PHACTR2: variants seen among roughly 807,000 people sequenced by gnomAD.
PHACTR2 encodes chromosome 6 open reading frame 56.
A neutral mutation model predicts 76.0 loss-of-function variants in PHACTR2; 30 were observed. That is an observed-to-expected ratio of 0.39 (90% confidence interval 0.30 to 0.54). The LOEUF is 0.54. Ranked by LOEUF, PHACTR2 falls within the 20% of genes least tolerant of loss-of-function variation. The pLI, the probability that PHACTR2 is intolerant of heterozygous loss-of-function variation, is 0.61. For missense variants in PHACTR2, 696 were observed against 781.1 expected, an observed-to-expected ratio of 0.89 and a Z score of 1.30; for synonymous variants, 292 against 292.5, an observed-to-expected ratio of 1.00 and a Z score of 0.02.
intron 1 of PHACTR2, among the ~76,000 whole-genome samples, chr6:143,588,442 A>G (rs17288611): frequency 0.35 from 42,828 of 123,570 alleles, 6,252 homozygotes; most frequent in South Asian, 0.46. Context: ...AAAGATCTGA[A>G]CATTCTCAAA....
intron 1 of PHACTR2, among the ~76,000 whole-genome samples, chr6:143,572,451 T>G (rs1460438555): frequency 6.6e-6 from 1 of 152,258 alleles, no homozygotes; most frequent in African/African-American, 2.4e-5. Flanking sequence ...ATAGAATGTG[T>G]GTGAGTGTTT....
At chr6:143,740,181 C>T (rs1778908211) in intron 2 of PHACTR2, among the ~76,000 whole-genome samples, 1 of 152,156 alleles carries the variant, frequency 6.6e-6, no homozygotes, top group African/African-American at 2.4e-5. Flanking sequence ...CCTAACATTG[C>T]CATGCCATTT....
chr6:143,754,379 C>G lies in PHACTR2; in HGVS notation c.454+467C>G, dbSNP rs530054811. ...GTGGGAACTTGGCAGGTGGCATCCA[C>G]ATATCCAGCATCATAGGTTCCAGAC... On this transcript the variant is annotated intron_variant, in intron 4 of 12. Transcript: ENST00000440869. The surrounding 1 kb of genome is among the most constrained non-coding windows in gnomAD (Gnocchi z 6.2). 7.9e-5 allele frequency among the ~76,000 whole-genome samples: 12 copies of G among 152,334 alleles called. No individual in the cohort carries two copies. The South Asian group carries it at 2.5e-3, about 32-fold the overall frequency.
chr6:143,717,592 A>AG, intron 2 of PHACTR2, among the ~76,000 whole-genome samples: 1 of 151,768 alleles, frequency 6.6e-6, no homozygotes, highest in East Asian at 1.9e-4. Flanking sequence ...TGGTGGGGGA[A>AG]GGGGGTCTCA....
chr6:143,547,867 T>C lies in PHACTR2; in HGVS notation c.217+10660T>C, dbSNP rs923348926. ...AACTCTCTCTTGCCCGCTGTATCTA[T>C]GTATGTATGTATGTACGTATGTATC... On this transcript the variant is annotated intron_variant, in intron 1 of 11. Transcript: ENST00000367584. This position sits in a 1 kb window ranked among gnomAD's most constrained non-coding sequence, Gnocchi z 4.2. Among the ~76,000 whole-genome samples, 1 of 152,028 alleles carries C rather than the reference T, an allele frequency of 6.6e-6. No individual in the cohort carries two copies. The highest frequency in any genetic ancestry group is 2.1e-4 in the South Asian group (1 of 4,826).
chr6:143,773,927 A>T, intron 7 of PHACTR2, 132 bp from the exon 8 acceptor site: 1 of 603,776 alleles, frequency 1.7e-6, no homozygotes, highest in African/African-American at 1.9e-5. Flanking sequence ...CCTTAGGTTA[A>T]TTAAGATTCT....
rs1011988921 is a variant in PHACTR2, at chr6:143,739,951, G to A, written c.215-9034G>A. On this transcript the variant is annotated intron_variant, in intron 2 of 12. Transcript: ENST00000440869. This position sits in a 1 kb window ranked among gnomAD's most constrained non-coding sequence, Gnocchi z 4.3. ...GGGTCCTGCTCAAGACCCCAAGAGA[G>A]GGTTCTTGGATCTCGGACAAGAAAG... Among the ~76,000 whole-genome samples the A allele has an allele frequency of 2.0e-5, 3 of 152,192 alleles. No homozygotes were observed. The highest frequency in any genetic ancestry group is 1.3e-4 in the Admixed American group (2 of 15,286).
rs1185268802 is a variant in PHACTR2 at position 143,695,225 on chromosome 6, T to G, written c.47-16791T>G. ...TAGGCCCTGATCCGAATCCAGATTA[T>G]GATGGATTGGGCATGGGGATCAGGG... On this transcript the variant is annotated intron_variant, in intron 1 of 12. Transcript: ENST00000440869. This position sits in a 1 kb window ranked among gnomAD's most constrained non-coding sequence, Gnocchi z 4.4. Among the ~76,000 whole-genome samples the G allele has an allele frequency of 6.6e-6, 1 of 152,230 alleles. No individual in the cohort carries two copies. Among genetic ancestry groups the G allele is most frequent in the Non-Finnish European group, 1.5e-5 (1 of 68,036 alleles).
chr6:143,644,940 C>CT (rs1210057926), intron 1 of PHACTR2, among the ~76,000 whole-genome samples: 2 of 152,096 alleles, frequency 1.3e-5, no homozygotes, highest in African/African-American at 4.8e-5. Context: ...GCAGTATACA[C>CT]TGCACCCCAT....
At chr6:143,702,799 T>TTTTTTTTTC (rs57620507) in intron 1 of PHACTR2, among the ~76,000 whole-genome samples, 5 of 124,288 alleles carry the variant, frequency 4.0e-5, no homozygotes, top group Non-Finnish European at 8.8e-5. Flanking sequence ...TTTTTTTTTT[T>TTTTTTTTTC]ACAGAAAATA....
At position 143,806,537 on chromosome 6, in the gene PHACTR2, G is replaced by C. The variant is rs987334877; in HGVS notation, c.1846-520G>C. Among the ~76,000 whole-genome samples the C allele has an allele frequency of 3.9e-5, 6 of 152,192 alleles. No homozygotes were observed. In the East Asian group the frequency reaches 1.2e-3, roughly 29 times the overall value. On this transcript the variant is annotated intron_variant, in intron 11 of 12. Coordinates refer to ENST00000440869, the MANE Select transcript of PHACTR2 (RefSeq NM_001100164.2). This position sits in a 1 kb window ranked among gnomAD's most constrained non-coding sequence, Gnocchi z 5.8. ...TGGGGGATGTTCCGTGTGACTCATA[G>C]ACCAGACTCAAGGATGAGTTTAGCA...
chr6:143,707,294 A>G (rs1346261008), intron 1 of PHACTR2, among the ~76,000 whole-genome samples: 2 of 152,220 alleles, frequency 1.3e-5, no homozygotes, highest in African/African-American at 4.8e-5. Flanking sequence ...TTTACCACAC[A>G]TGATTTCTCC....
chr6:143,570,892 TA>T lies in PHACTR2; in HGVS notation c.217+33687del. On this transcript the variant is annotated intron_variant, in intron 1 of 11. Coordinates refer to the PHACTR2 transcript ENST00000367584. The surrounding 1 kb of genome is among the most constrained non-coding windows in gnomAD (Gnocchi z 4.6). ...GCTGAAGACAATTGCCCTGATTCCC[TA>T]ACCTAAGGGATGGCTCTGCAAGTGG... 6.6e-6 allele frequency among the ~76,000 whole-genome samples: 1 copy of T among 152,288 alleles called. No homozygotes were observed. Among genetic ancestry groups the T allele is most frequent in the East Asian group, 1.9e-4 (1 of 5,184 alleles).
At position 143,537,742 on chromosome 6, in the gene PHACTR2, A is replaced by G. The variant is rs1781131325; in HGVS notation, c.217+535A>G. ...GAGTTTTTCCTCCTTGCAAAAACCC[A>G]TGAGGTTAATGGGGGAGAGCAGGGG... On this transcript the variant is annotated intron_variant, in intron 1 of 11. Transcript: ENST00000367584. This position sits in a 1 kb window ranked among gnomAD's most constrained non-coding sequence, Gnocchi z 4.4. 6.6e-6 allele frequency among the ~76,000 whole-genome samples: 1 copy of G among 152,150 alleles called. No individual in the cohort carries two copies.
rs2128476676 is a variant in PHACTR2 at position 143,777,783 on chromosome 6, A to G, written c.1645+400A>G. Reference sequence around the variant, plus strand: ...AAACATTCCTATATTATTATTAACAATACAGTTTGTTGCTAGTTTAACAAA... The same window carrying G: ...AAACATTCCTATATTATTATTAACAGTACAGTTTGTTGCTAGTTTAACAAA... On this transcript the variant is annotated intron_variant, in intron 9 of 12. Transcript: ENST00000440869. This position sits in a 1 kb window ranked among gnomAD's most constrained non-coding sequence, Gnocchi z 4.6. Among the ~76,000 whole-genome samples, 1 of 152,354 alleles carries G rather than the reference A, an allele frequency of 6.6e-6. No homozygotes were observed. The highest frequency in any genetic ancestry group is 1.9e-4 in the East Asian group (1 of 5,194).
chr6:143,770,846 T>A (rs1775082681), intron 6 of PHACTR2, among the ~76,000 whole-genome samples: 1 of 151,686 alleles, frequency 6.6e-6, no homozygotes, highest in Non-Finnish European at 1.5e-5. Context: ...TAGTAACTCT[T>A]TAAATCATAG....
At chr6:143,569,285 A>G (rs1775411325) in intron 1 of PHACTR2, among the ~76,000 whole-genome samples, 2 of 152,206 alleles carry the variant, frequency 1.3e-5, no homozygotes, top group South Asian at 4.1e-4. Flanking sequence ...TGAGGAGACC[A>G]CAAGTTCAGG....
intron 1 of PHACTR2, among the ~76,000 whole-genome samples, chr6:143,634,240 C>T (rs907036384): frequency 6.6e-6 from 1 of 152,142 alleles, no homozygotes; most frequent in African/African-American, 2.4e-5. Context: ...GGGAGAAGGT[C>T]CTAATATATG....
Position 143,776,142 on chromosome 6 carries a change from T to A in PHACTR2, c.1590-1186T>A, listed in dbSNP as rs543859070. On this transcript the variant is annotated intron_variant, in intron 8 of 12. Coordinates refer to ENST00000440869, the MANE Select transcript of PHACTR2 (RefSeq NM_001100164.2). This position sits in a 1 kb window ranked among gnomAD's most constrained non-coding sequence, Gnocchi z 5.3. ...CTCAAAAAAAATGTAAAAATAAATTTAAAAAATATATACTAAATATCTTAC... is the reference window on the plus strand; with the variant it reads ...CTCAAAAAAAATGTAAAAATAAATTAAAAAAATATATACTAAATATCTTAC... 1.3e-5 allele frequency among the ~76,000 whole-genome samples: 2 copies of A among 152,080 alleles called. No homozygotes were observed. Among genetic ancestry groups the A allele is most frequent in the South Asian group, 4.2e-4 (2 of 4,818 alleles).
Sources: allele counts gnomAD v4.1 joint callset (sites outside exome capture counted in the v4.1 genomes callset), GRCh38; gene constraint gnomAD v4.1.1; non-coding constraint Gnocchi (gnomAD v3.1); transcripts MANE v1.5; gene names NCBI Gene and HGNC (gene_info 2026-07-23, HGNC 2026-07-21).